The following WWOX variants were observed in gnomAD, a reference collection of about 807,000 sequenced individuals.
The protein encoded by WWOX is WW domain containing oxidoreductase.
WWOX carries 69 observed loss-of-function variants against 46.2 expected under a neutral mutation model. The observed-to-expected ratio is 1.49, with a 90% CI of 1.23 to 1.82. The LOEUF (loss-of-function observed/expected upper bound fraction) is 1.82. Ranked by LOEUF, WWOX falls within the 40% of genes most tolerant of loss-of-function variation. The pLI, the probability that WWOX is intolerant of heterozygous loss-of-function variation, is 0.00. For synonymous variants in WWOX, 359 were observed against 202.6 expected (o/e 1.77, Z -6.56); for missense variants, 919 against 542.6 (o/e 1.69, Z -6.89).
chr16:79,110,274 C>G (rs1281694235), intron 8 of WWOX, among the ~76,000 whole-genome samples: 1 of 152,086 alleles, frequency 6.6e-6, no homozygotes, highest in Non-Finnish European at 1.5e-5. Flanking sequence ...AATGAGAATG[C>G]CCCTCCTACT....
intron 5 of WWOX, among the ~76,000 whole-genome samples, chr16:78,380,969 C>T (rs761311064): frequency 6.6e-6 from 1 of 152,022 alleles, no homozygotes; most frequent in African/African-American, 2.4e-5. Context: ...CTAATCTTCA[C>T]TCTAACCATA....
chr16:78,981,801 C>T (rs1334632332), intron 8 of WWOX: 3 of 152,176 alleles, frequency 2.0e-5, no homozygotes, highest in Admixed American at 6.5e-5. Flanking sequence ...GGACGAGGAG[C>T]AACAGAGTGA....
In WWOX at chr16:78,852,395, A is replaced by G. The variant is rs1424055423; in HGVS notation, c.1057-359213A>G. Among the ~76,000 whole-genome samples the G allele has an allele frequency of 6.6e-5, 10 of 152,332 alleles. No individual in the cohort carries two copies. In the East Asian group the frequency reaches 1.9e-3, roughly 29 times the overall value. ...GATCACTCCTTGTGGCAGAAGCTAG[A>G]CACCATGTTGCGAGGATACTCAAAC... On this transcript the variant is annotated intron_variant, in intron 8 of 8. Transcript: ENST00000566780.
intron 8 of WWOX, among the ~76,000 whole-genome samples, chr16:78,569,267 C>G (rs915397501): frequency 1.3e-5 from 2 of 152,096 alleles, no homozygotes; most frequent in African/African-American, 4.8e-5. Flanking sequence ...GTTATTAAAA[C>G]AAGTAGATGC....
chr16:78,158,444 G>T (rs2151729097), intron 4 of WWOX, among the ~76,000 whole-genome samples: 1 of 152,092 alleles, frequency 6.6e-6, no homozygotes, highest in East Asian at 1.9e-4. Context: ...CTCTGGATTA[G>T]ACTGCCTCTT....
intron 8 of WWOX, among the ~76,000 whole-genome samples, chr16:79,080,829 A>T (rs555682956): frequency 5.3e-5 from 8 of 152,200 alleles, no homozygotes; most frequent in Non-Finnish European, 1.2e-4. Flanking sequence ...AATAAAAAGG[A>T]AAAGCATGGC....
intron 8 of WWOX, among the ~76,000 whole-genome samples, chr16:78,509,554 T>C (rs1348341783): frequency 1.3e-5 from 2 of 152,202 alleles, no homozygotes; most frequent in African/African-American, 4.8e-5. Flanking sequence ...GTTGTGTCTA[T>C]ACGGTGGAGT....
At chr16:78,358,018 G>C (rs567146613) in intron 5 of WWOX, among the ~76,000 whole-genome samples, 1 of 152,274 alleles carries the variant, frequency 6.6e-6, no homozygotes, top group African/African-American at 2.4e-5. Context: ...TTAGGGCTGG[G>C]TAGAACACAC....
At chr16:78,595,287 C>G (rs974437909) in intron 8 of WWOX, among the ~76,000 whole-genome samples, 1 of 144,938 alleles carries the variant, frequency 6.9e-6, no homozygotes, top group Non-Finnish European at 1.5e-5. Flanking sequence ...CTGGAAATGT[C>G]TTTTTTTTTT....
chr16:78,131,061 G>A (rs547764379), intron 4 of WWOX, among the ~76,000 whole-genome samples: 9 of 152,304 alleles, frequency 5.9e-5, no homozygotes, highest in Admixed American at 5.9e-4. Flanking sequence ...GTAAGTATTT[G>A]TGTATCTAAA....
chr16:78,788,863 A>G (rs1001388951), intron 8 of WWOX, among the ~76,000 whole-genome samples: 2 of 152,198 alleles, frequency 1.3e-5, no homozygotes, highest in African/African-American at 4.8e-5. Flanking sequence ...AACTCCACGT[A>G]GACAGTGTCA....
intron 8 of WWOX, among the ~76,000 whole-genome samples, chr16:78,699,948 C>T (rs1479119599): frequency 1.3e-5 from 2 of 152,054 alleles, no homozygotes; most frequent in African/African-American, 2.4e-5. Flanking sequence ...TTTTAGTACT[C>T]ACAAGGTAAC....
At chr16:79,103,823 A>G (rs1356337068) in intron 8 of WWOX, among the ~76,000 whole-genome samples, 1 of 152,156 alleles carries the variant, frequency 6.6e-6, no homozygotes, top group Non-Finnish European at 1.5e-5. Flanking sequence ...AAGCAAAGGC[A>G]TCTTATGCCA....
At chr16:78,563,618 C>T (rs2044493359) in intron 8 of WWOX, among the ~76,000 whole-genome samples, 1 of 151,658 alleles carries the variant, frequency 6.6e-6, no homozygotes, top group Admixed American at 6.6e-5. Context: ...CTCTTCCACC[C>T]TGCTGCCTTT....
intron 8 of WWOX, among the ~76,000 whole-genome samples, chr16:78,533,301 T>C (rs6564567): frequency 0.64 from 96,895 of 151,896 alleles, 34,809 homozygotes; most frequent in East Asian, 0.85. Flanking sequence ...CCAGCACTTT[T>C]GGGTCAGTTG....
At chr16:78,291,425 C>T (rs2079855307) in intron 5 of WWOX, among the ~76,000 whole-genome samples, 1 of 152,120 alleles carries the variant, frequency 6.6e-6, no homozygotes, top group Non-Finnish European at 1.5e-5. Context: ...TGAACGTTTG[C>T]CCGCGAAGGC....
rs2083255864 is a variant in WWOX, at chr16:78,432,753, G to C, written c.1056+1G>C. The C allele has an allele frequency of 1.9e-6, 3 of 1,614,016 alleles. No individual in the cohort carries two copies. The highest frequency in any genetic ancestry group is 2.5e-6 in the Non-Finnish European group (3 of 1,180,048). ...GGCGAGGCCTTTCACCAAGTCCATG[G>C]TAAGAGAACAGCTTCTGGCGCCGCA... On this transcript the variant is annotated splice_donor_variant, in intron 8 of 8. Transcript: ENST00000566780. LOFTEE classifies it high-confidence loss of function.
intron 3 of WWOX, among the ~76,000 whole-genome samples, chr16:78,111,340 C>T (rs1382616709): frequency 6.6e-6 from 1 of 152,180 alleles, no homozygotes; most frequent in African/African-American, 2.4e-5. Flanking sequence ...TTACTATAAA[C>T]ACTATTAATC....
Position 78,114,980 on chromosome 16 carries a change from A to G in WWOX, c.235A>G (p.Ile79Val), listed in dbSNP as rs1207889604. 1.2e-6 allele frequency: 2 copies of G among 1,614,072 alleles called. No homozygotes were observed. Among genetic ancestry groups the G allele is most frequent in the Non-Finnish European group, 1.7e-6 (2 of 1,180,038 alleles). Residue 79 changes from isoleucine (I) to valine (V), a missense_variant, in exon 4 of 9, where the codon ATA becomes GTA. Transcript: ENST00000566780. ...ENGQVFFVDH[I>V]NKRTTYLDPR... ...ACTGCTTTCTCTTTTGGGCAGCCAT[A>G]TAAATAAAAGAACCACCTACTTGGA...
Sources: gnomAD v4.1 joint callset for allele counts (sites outside exome capture counted in the v4.1 genomes callset) on GRCh38, gnomAD v4.1.1 for gene constraint, MANE v1.5 for transcripts, NCBI Gene and HGNC (gene_info 2026-07-23, HGNC 2026-07-21) for gene names.